Variants in VPS35 observed in about 807,000 individuals in gnomAD.
VPS35 encodes vacuolar protein sorting-associated protein 35.
A neutral mutation model predicts 98.1 loss-of-function variants in VPS35; 21 were observed. That is an observed-to-expected ratio of 0.21 (90% CI 0.15 to 0.31). VPS35 has a LOEUF of 0.31. VPS35 is among the 10% of genes least tolerant of loss of function. VPS35 has a pLI of 1.00. For synonymous variants in VPS35, 268 were observed against 318.2 expected (o/e 0.84, Z 1.68); for missense variants, 554 against 950.8 (o/e 0.58, Z 5.49).
At chr16:46,667,382 G>A (rs111468838) in intron 13 of VPS35, among the ~76,000 whole-genome samples, 3 of 152,054 alleles carry the variant, frequency 2.0e-5, no homozygotes, top group African/African-American at 7.2e-5. Flanking sequence ...TGTATAGTTT[G>A]CAAATATTCT....
intron 13 of VPS35, among the ~76,000 whole-genome samples, chr16:46,666,346 A>G (rs1390987124): frequency 1.4e-5 from 2 of 138,880 alleles, no homozygotes; most frequent in East Asian, 4.4e-4. Context: ...TCGGCTCACC[A>G]CAACCTCTGC....
intron 13 of VPS35, among the ~76,000 whole-genome samples, chr16:46,665,171 T>A (rs1384953527): frequency 6.6e-6 from 1 of 152,260 alleles, no homozygotes; most frequent in Non-Finnish European, 1.5e-5. Context: ...ACCTTATTTT[T>A]CATTTCTCTT....
At chr16:46,677,441 A>G (rs1367449938) in intron 6 of VPS35, 43 bp from the exon 7 acceptor site, 1 of 1,544,802 alleles carries the variant, frequency 6.5e-7, no homozygotes, top group East Asian at 2.2e-5. Flanking sequence ...ATCTGTTTTC[A>G]AAATCTTAAG....
chr16:46,679,236 C>T (rs1025941931), intron 5 of VPS35, 80 bp from the exon 6 acceptor site: 3 of 1,269,772 alleles, frequency 2.4e-6, no homozygotes, highest in South Asian at 1.3e-5. Context: ...GTATTTCCTA[C>T]TTATCTCTAT....
intron 1 of VPS35, among the ~76,000 whole-genome samples, chr16:46,686,368 A>G (rs1253910132): frequency 6.6e-6 from 1 of 152,214 alleles, no homozygotes; most frequent in African/African-American, 2.4e-5. Flanking sequence ...GTGGCTACAA[A>G]GAGGATACAA....
At chr16:46,683,482 T>C in intron 2 of VPS35, 26 bp downstream of exon 2, 1 of 1,603,612 alleles carries the variant, frequency 6.2e-7, no homozygotes. Flanking sequence ...GAACTGCAAC[T>C]GTGCCTCCCA....
chr16:46,669,467 GA>G (rs1431445469), intron 12 of VPS35, among the ~76,000 whole-genome samples: 1 of 152,088 alleles, frequency 6.6e-6, no homozygotes, highest in Non-Finnish European at 1.5e-5. Flanking sequence ...AGGAGTTCGA[GA>G]CCAGCCTGGC....
intron 14 of VPS35, 44 bp downstream of exon 14, chr16:46,662,939 C>G: frequency 1.2e-6 from 2 of 1,612,384 alleles, no homozygotes; most frequent in East Asian, 4.5e-5. Context: ...AGCAACTGAA[C>G]CCAGCAGAGC....
At chr16:46,679,857 G>T (rs1479093008) in intron 5 of VPS35, among the ~76,000 whole-genome samples, 1 of 151,786 alleles carries the variant, frequency 6.6e-6, no homozygotes, top group Admixed American at 6.6e-5. Flanking sequence ...TTTCTGTACT[G>T]TTTTAAAAGA....
intron 13 of VPS35, among the ~76,000 whole-genome samples, chr16:46,667,138 T>G (rs1308214197): frequency 6.6e-6 from 1 of 152,206 alleles, no homozygotes; most frequent in Non-Finnish European, 1.5e-5. Flanking sequence ...TGATTTTCTG[T>G]TTTTTTGATA....
intron 1 of VPS35, chr16:46,688,624 T>A (rs1441948044): frequency 1.0e-6 from 1 of 1,004,768 alleles, no homozygotes; most frequent in African/African-American, 1.7e-5. Flanking sequence ...AAGGCGGGTA[T>A]GAGGCCAAGA....
chr16:46,687,842 AC>A (rs1487371912), intron 1 of VPS35, among the ~76,000 whole-genome samples: 6 of 152,072 alleles, frequency 3.9e-5, no homozygotes, highest in African/African-American at 1.4e-4. Flanking sequence ...AAGAACGAAT[AC>A]TCAAGTTTCC....
intron 5 of VPS35, among the ~76,000 whole-genome samples, chr16:46,680,353 A>G (rs1264174705): frequency 3.3e-5 from 5 of 152,256 alleles, no homozygotes; most frequent in African/African-American, 1.2e-4. Context: ...TTTCATTACA[A>G]ATTCAATTTC....
chr16:46,661,252 G>A lies in VPS35; in HGVS notation c.2211+466C>T, dbSNP rs762863761. Among the ~76,000 whole-genome samples the A allele has an allele frequency of 2.6e-5, 4 of 152,168 alleles. No homozygotes were observed. Among genetic ancestry groups the A allele is most frequent in the African/African-American group, 7.2e-5 (3 of 41,440 alleles). On this transcript the variant is annotated intron_variant, in intron 16 of 16. Transcript: ENST00000299138. The surrounding 1 kb of genome is among the most constrained non-coding windows in gnomAD (Gnocchi z 4.3). ...TTATTATTATTATTATTTTTGAGAC[G>A]GAGTTTCACTCTTGTTGCCCAGGCA...
intron 4 of VPS35, among the ~76,000 whole-genome samples, 177 bp from the exon 5 acceptor site, chr16:46,681,030 T>TACACAC (rs1491326650): frequency 1.4e-5 from 1 of 70,490 alleles, no homozygotes; most frequent in African/African-American, 4.5e-5. Context: ...CTAAAAAAAC[T>TACACAC]ATACACACAC....
chr16:46,667,015 C>T (rs1014723498), intron 13 of VPS35, among the ~76,000 whole-genome samples: 1 of 152,102 alleles, frequency 6.6e-6, no homozygotes, highest in Non-Finnish European at 1.5e-5. Context: ...CATGGTAGTT[C>T]TAGTTTCAGT....
At position 46,657,424 on chromosome 16, in the gene VPS35, T is replaced by C. The variant is rs1333645134; in HGVS notation, c.*3048A>G. ...GTTAACAGAAGACCCCTCTGGAACCTAGACTTTGTGTTTAAATCCCCTCAG... is the reference window on the plus strand; with the variant it reads ...GTTAACAGAAGACCCCTCTGGAACCCAGACTTTGTGTTTAAATCCCCTCAG... On this transcript the variant is annotated 3_prime_UTR_variant, in exon 17 of 17. Transcript: ENST00000299138. 6.6e-6 allele frequency: 1 copy of C among 152,210 alleles called. No individual in the cohort carries two copies. Among genetic ancestry groups the C allele is most frequent in the Admixed American group, 6.5e-5 (1 of 15,280 alleles). The allele number at this position is 152,210 out of a possible 1,614,324, so 9.4% of individuals were successfully genotyped here.
intron 1 of VPS35, chr16:46,688,527 G>A: frequency 1.0e-6 from 1 of 988,620 alleles, no homozygotes; most frequent in Non-Finnish European, 1.2e-6. Context: ...TCTCCTTTGC[G>A]ACCGTCAGGA....
chr16:46,663,898 A>G (rs1392197910), intron 13 of VPS35, among the ~76,000 whole-genome samples: 1 of 11,552 alleles, frequency 8.7e-5, no homozygotes, highest in African/African-American at 1.6e-4. Context: ...TTTTGTAGAG[A>G]CAGGGTCTCA....
Sources: allele counts gnomAD v4.1 joint callset (sites outside exome capture counted in the v4.1 genomes callset), GRCh38; gene constraint gnomAD v4.1.1; non-coding constraint Gnocchi (gnomAD v3.1); transcripts MANE v1.5; gene names NCBI Gene and HGNC (gene_info 2026-07-23, HGNC 2026-07-21).